The following CPA5 variants were observed in gnomAD, a reference collection of about 807,000 sequenced individuals.
CPA5 encodes carboxypeptidase A5.
CPA5 carries 38 observed loss-of-function variants against 52.2 expected under a neutral mutation model. That is an observed-to-expected ratio of 0.73 (90% CI 0.56 to 0.95). The LOEUF is 0.95. Among genes scored for constraint, CPA5 ranks in the 40% least tolerant of loss-of-function variants. CPA5 has a pLI of 0.00. For synonymous variants in CPA5, 198 were observed against 213.7 expected (o/e 0.93, Z 0.64); for missense variants, 519 against 566.7 (o/e 0.92, Z 0.86).
chr7:130,348,599 C>T (rs376308374), intron 4 of CPA5, among the ~76,000 whole-genome samples: 97 of 152,320 alleles, frequency 6.4e-4, no homozygotes, highest in African/African-American at 2.1e-3. Flanking sequence ...GGGTTCTTGT[C>T]TGTGTTCATG....
At chr7:130,368,809 A>T, downstream of CPA5, 3 of 570,628 alleles carry the variant, frequency 5.3e-6, no homozygotes, top group Non-Finnish European at 9.2e-6. Flanking sequence ...CTCATTCCGC[A>T]GGGGAGCCTG....
intron 9 of CPA5, 99 bp from the exon 10 acceptor site, chr7:130,363,320 C>A: frequency 1.0e-6 from 1 of 960,062 alleles, no homozygotes; most frequent in Non-Finnish European, 1.6e-6. Flanking sequence ...TCCTCCCTGC[C>A]CCACTAGGGT....
chr7:130,352,589 T>A (rs1554404235), intron 5 of CPA5, among the ~76,000 whole-genome samples: 1 of 152,110 alleles, frequency 6.6e-6, no homozygotes, highest in African/African-American at 2.4e-5. Flanking sequence ...CCCTCCACCA[T>A]GTGACGAGGT....
intron 5 of CPA5, among the ~76,000 whole-genome samples, chr7:130,356,013 G>T (rs754752285): frequency 9.2e-5 from 14 of 152,188 alleles, no homozygotes; most frequent in Non-Finnish European, 1.9e-4. Context: ...CCCACATCCA[G>T]TGCCACAGGA....
At chr7:130,354,420 G>A (rs1554404730) in intron 5 of CPA5, among the ~76,000 whole-genome samples, 2 of 150,936 alleles carry the variant, frequency 1.3e-5, no homozygotes, top group Non-Finnish European at 3.0e-5. Context: ...TTGAGACAGG[G>A]TCTCACTCCC....
At chr7:130,367,787 C>A in intron 11 of CPA5, 119 bp from the exon 12 acceptor site, 2 of 950,798 alleles carry the variant, frequency 2.1e-6, no homozygotes, top group Non-Finnish European at 3.4e-6. Context: ...CAAGGGCCAT[C>A]TCCACCTTCA....
chr7:130,350,494 T>A (rs535346377), intron 5 of CPA5, among the ~76,000 whole-genome samples: 1 of 152,334 alleles, frequency 6.6e-6, no homozygotes, highest in South Asian at 2.1e-4. Flanking sequence ...CTCCCTCCTG[T>A]TCCCGCTGTG....
At chr7:130,367,138 T>C (rs151106250) in intron 10 of CPA5, among the ~76,000 whole-genome samples, 6 of 152,196 alleles carry the variant, frequency 3.9e-5, no homozygotes, top group African/African-American at 1.4e-4. Flanking sequence ...TTTTTTTGCT[T>C]CCAGCCACAC....
At chr7:130,353,470 C>T (rs1795299945) in intron 5 of CPA5, among the ~76,000 whole-genome samples, 1 of 152,186 alleles carries the variant, frequency 6.6e-6, no homozygotes, top group South Asian at 2.1e-4. Flanking sequence ...AGTGTTTCCA[C>T]CTGGGGGTGC....
At position 130,363,496 on chromosome 7, in the gene CPA5, G is replaced by A. The variant is rs782580945; in HGVS notation, c.825G>A (p.Lys275=). 46 of 1,584,774 alleles carry A rather than the reference G, an allele frequency of 2.9e-5. No homozygotes were observed. Among genetic ancestry groups the A allele is most frequent in the Non-Finnish European group, 1.6e-5 (19 of 1,165,166 alleles). ...GCGTGGATCTCAACAGGAACTGGAAGTCGGGTTTTGGAGGTATGGCAACCT... is the reference window on the plus strand; with the variant it reads ...GCGTGGATCTCAACAGGAACTGGAAATCGGGTTTTGGAGGTATGGCAACCT... ...CIGVDLNRNW[K]SGFGGNGSNS... is the part of the protein sequence containing the mutation. The change falls in exon 10 of 13, where the codon AAG becomes AAA. Residue 275 remains lysine, a synonymous_variant. Coordinates refer to ENST00000474905, the MANE Select transcript of CPA5 (RefSeq NM_080385.5).
At chr7:130,352,503 G>GT (rs1200092968) in intron 5 of CPA5, among the ~76,000 whole-genome samples, 1 of 151,996 alleles carries the variant, frequency 6.6e-6, no homozygotes, top group African/African-American at 2.4e-5. Context: ...TGAAGAGCAG[G>GT]TGAGGGGGGG....
At chr7:130,353,656 G>A (rs781865074) in intron 5 of CPA5, among the ~76,000 whole-genome samples, 2 of 152,002 alleles carry the variant, frequency 1.3e-5, no homozygotes, top group Non-Finnish European at 2.9e-5. Flanking sequence ...CAGATTTATC[G>A]CTGCCTTCAG....
chr7:130,368,433 G>C lies in CPA5; in HGVS notation c.1147G>C (p.Asp383His). 1 of 1,613,986 alleles carries C rather than the reference G, an allele frequency of 6.2e-7. No individual in the cohort carries two copies. The highest frequency in any genetic ancestry group is 8.5e-7 in the Non-Finnish European group (1 of 1,179,978). Residue 383 changes from aspartate (D) to histidine (H), a missense_variant, in exon 13 of 13, where the codon GAC becomes CAC. Asp to His is a moderately conservative substitution (Grantham distance 81). Transcript: ENST00000474905. ...AGATGTGGCCAGTGGGATCACCGTC[G>C]ACTGGGCCTATGACAGTGGCATCAA... ...TLYVASGITVDWAYDSGIKYA... is the reference protein window; with the variant it reads ...TLYVASGITVHWAYDSGIKYA...
chr7:130,372,269 T>TGCAACTGG (rs1796302653), downstream of CPA5, among the ~76,000 whole-genome samples: 1 of 152,262 alleles, frequency 6.6e-6, no homozygotes, highest in African/African-American at 2.4e-5. Context: ...TCACTCTCTC[T>TGCAACTGG]GCACCTGTCA....
At chr7:130,372,473 G>A (rs1275211167), downstream of CPA5, among the ~76,000 whole-genome samples, 2 of 152,158 alleles carry the variant, frequency 1.3e-5, no homozygotes, top group Non-Finnish European at 2.9e-5. Flanking sequence ...AGTGACTCCT[G>A]GGTATACTGG....
intron 5 of CPA5, among the ~76,000 whole-genome samples, chr7:130,356,164 AT>A (rs34062376): frequency 0.15 from 22,969 of 148,624 alleles, 1,916 homozygotes; most frequent in African/African-American, 0.23. Context: ...TCCATTTTGC[AT>A]CTGTGGCTGG....
chr7:130,360,882 C>T (rs931462816), intron 6 of CPA5, among the ~76,000 whole-genome samples: 2 of 152,220 alleles, frequency 1.3e-5, no homozygotes, highest in African/African-American at 4.8e-5. Context: ...GCTCAGCACA[C>T]ACTGTTCTTC....
At chr7:130,353,597 A>G (rs1159853993) in intron 5 of CPA5, among the ~76,000 whole-genome samples, 1 of 152,210 alleles carries the variant, frequency 6.6e-6, no homozygotes, top group East Asian at 1.9e-4. Flanking sequence ...CACTCAGACC[A>G]GAAGCTGGGA....
At chr7:130,359,479 C>G in intron 5 of CPA5, 110 bp from the exon 6 acceptor site, 1 of 722,746 alleles carries the variant, frequency 1.4e-6, no homozygotes, top group Non-Finnish European at 2.4e-6. Flanking sequence ...GTGGCTCATT[C>G]TCCTGTGTTG....
Sources: allele counts gnomAD v4.1 joint callset (sites outside exome capture counted in the v4.1 genomes callset), GRCh38; gene constraint gnomAD v4.1.1; transcripts MANE v1.5; gene names NCBI Gene and HGNC (gene_info 2026-07-23, HGNC 2026-07-21).